Variants in ZFYVE9 observed in about 807,000 individuals in gnomAD.
ZFYVE9 encodes zinc finger FYVE domain-containing protein 9.
A neutral mutation model predicts 126.7 loss-of-function variants in ZFYVE9; 43 were observed. The ratio of observed to expected loss-of-function variants is 0.34; its 90% CI spans 0.27 to 0.44. The LOEUF is 0.44. Among genes scored for constraint, ZFYVE9 ranks in the 20% least tolerant of loss-of-function variants. The pLI is 1.00. For synonymous variants in ZFYVE9, 521 were observed against 597.4 expected (o/e 0.87, Z 1.87); for missense variants, 1,476 against 1,697.0 (o/e 0.87, Z 2.29).
intron 10 of ZFYVE9, among the ~76,000 whole-genome samples, chr1:52,288,937 A>AG (rs1180832848): frequency 1.3e-5 from 2 of 150,752 alleles, no homozygotes; most frequent in East Asian, 3.9e-4. Flanking sequence ...AAAAAAAAAA[A>AG]AAAAAAAAAG....
intron 13 of ZFYVE9, among the ~76,000 whole-genome samples, chr1:52,305,580 C>T (rs1646075397): frequency 1.3e-5 from 2 of 152,138 alleles, no homozygotes; most frequent in Admixed American, 1.3e-4. Context: ...TCCGTGGAGC[C>T]TGTAGGAGCC....
intron 1 of ZFYVE9, among the ~76,000 whole-genome samples, chr1:52,194,137 A>G (rs553160424): frequency 1.6e-4 from 25 of 152,310 alleles, no homozygotes; most frequent in African/African-American, 5.5e-4. Flanking sequence ...TTATCTGGAA[A>G]GATATCTAGG....
chr1:52,164,157 G>A (rs1644490790), intron 1 of ZFYVE9, among the ~76,000 whole-genome samples: 2 of 144,906 alleles, frequency 1.4e-5, no homozygotes, highest in Non-Finnish European at 1.5e-5. Flanking sequence ...TTTTCACCAT[G>A]TTGCCCAGAC....
intron 10 of ZFYVE9, among the ~76,000 whole-genome samples, chr1:52,284,423 A>ATTT (rs199926823): frequency 6.9e-6 from 1 of 145,100 alleles, no homozygotes; most frequent in Non-Finnish European, 1.5e-5. Flanking sequence ...TTTAGCATAA[A>ATTT]TTTTTTTTTT....
At chr1:52,211,069 A>G (rs534116016) in intron 1 of ZFYVE9, among the ~76,000 whole-genome samples, 64 of 152,302 alleles carry the variant, frequency 4.2e-4, no homozygotes, top group African/African-American at 1.3e-3. Context: ...GATCACCGAA[A>G]TGTGGGCTTT....
At chr1:52,329,849 G>A in intron 13 of ZFYVE9, among the ~76,000 whole-genome samples, 1 of 152,108 alleles carries the variant, frequency 6.6e-6, no homozygotes, top group Middle Eastern at 3.2e-3. Context: ...AGCTTGCAGT[G>A]AGCCTAGATC....
chr1:52,224,637 C>T (rs868501280), intron 2 of ZFYVE9, among the ~76,000 whole-genome samples: 12 of 152,114 alleles, frequency 7.9e-5, no homozygotes, highest in Admixed American at 6.5e-5. Flanking sequence ...GTTCCTTAGT[C>T]CAAATAAAAA....
At chr1:52,257,551 G>A (rs1645533833) in intron 4 of ZFYVE9, among the ~76,000 whole-genome samples, 1 of 152,174 alleles carries the variant, frequency 6.6e-6, no homozygotes, top group Admixed American at 6.5e-5. Context: ...CCTGCCATAT[G>A]ATGTCAGCTG....
Position 52,171,297 on chromosome 1 carries a change from A to G in ZFYVE9, c.-143+28894A>G, listed in dbSNP as rs1033385489. Among the ~76,000 whole-genome samples the G allele has an allele frequency of 6.6e-5, 10 of 152,072 alleles. 1 individual carries two copies. The highest frequency in any genetic ancestry group is 6.2e-4 in the South Asian group (3 of 4,814). On this transcript the variant is annotated intron_variant, in intron 1 of 18. Transcript: ENST00000287727. The stretch of plus-strand genomic sequence containing the variant: ...TGTTTACTGAGAATGATGATTTCCA[A>G]TTTCATCCATGTCCCTACAAAGGAC...
At chr1:52,180,446 T>G in intron 1 of ZFYVE9, 2 of 1,295,268 alleles carry the variant, frequency 1.5e-6, no homozygotes, top group Non-Finnish European at 2.2e-6. Flanking sequence ...CTGGAGCAAT[T>G]AAGAGGGACC....
intron 3 of ZFYVE9, among the ~76,000 whole-genome samples, chr1:52,234,062 T>G (rs1435977985): frequency 6.6e-6 from 1 of 152,192 alleles, no homozygotes; most frequent in Non-Finnish European, 1.5e-5. Flanking sequence ...ATTATAGGCA[T>G]GAGCCACCAC....
At chr1:52,340,578 C>T (rs1166873672) in intron 17 of ZFYVE9, among the ~76,000 whole-genome samples, 2 of 152,102 alleles carry the variant, frequency 1.3e-5, no homozygotes, top group African/African-American at 4.8e-5. Flanking sequence ...GATAACATGA[C>T]GGTCTTTAAA....
At chr1:52,235,279 AATTT>A (rs1186463112) in intron 3 of ZFYVE9, among the ~76,000 whole-genome samples, 2 of 151,908 alleles carry the variant, frequency 1.3e-5, no homozygotes, top group East Asian at 1.9e-4. Flanking sequence ...ATTTTGTGTT[AATTT>A]ATTTTCTCAT....
chr1:52,176,989 G>T (rs964687774), intron 1 of ZFYVE9, among the ~76,000 whole-genome samples: 18 of 152,066 alleles, frequency 1.2e-4, no homozygotes, highest in Non-Finnish European at 2.2e-4. Flanking sequence ...TGCACAGTGC[G>T]CTGCACCCAC....
intron 1 of ZFYVE9, chr1:52,179,793 G>T: frequency 1.9e-6 from 1 of 518,676 alleles, no homozygotes; most frequent in Non-Finnish European, 3.6e-6. Context: ...TAAATAAAAA[G>T]GATTTAAAGT....
intron 13 of ZFYVE9, among the ~76,000 whole-genome samples, chr1:52,326,024 C>T (rs1207922332): frequency 1.3e-5 from 2 of 152,190 alleles, no homozygotes; most frequent in Non-Finnish European, 2.9e-5. Context: ...AGGTAAAGCT[C>T]GTGCTGTTTC....
chr1:52,308,192 C>T (rs1421123340), intron 13 of ZFYVE9, among the ~76,000 whole-genome samples: 1 of 151,480 alleles, frequency 6.6e-6, no homozygotes, highest in Non-Finnish European at 1.5e-5. Context: ...CTTTTCTTTT[C>T]TTTTTGGAAA....
chr1:52,270,158 C>G (rs930354340), intron 7 of ZFYVE9, among the ~76,000 whole-genome samples: 1 of 152,124 alleles, frequency 6.6e-6, no homozygotes, highest in African/African-American at 2.4e-5. Context: ...TAAGAAAAGT[C>G]ATTTTCTTAT....
At chr1:52,194,248 C>T (rs948250552) in intron 1 of ZFYVE9, among the ~76,000 whole-genome samples, 2 of 151,984 alleles carry the variant, frequency 1.3e-5, no homozygotes, top group South Asian at 2.1e-4. Flanking sequence ...ATGAAAATAG[C>T]ATAGAAAACA....
Sources: allele counts gnomAD v4.1 joint callset (sites outside exome capture counted in the v4.1 genomes callset), GRCh38; gene constraint gnomAD v4.1.1; transcripts MANE v1.5; gene names NCBI Gene and HGNC (gene_info 2026-07-23, HGNC 2026-07-21).